Variants in CDH11 observed in about 807,000 individuals in gnomAD.
CDH11 encodes cadherin 11, also known as cadherin-11.
A neutral mutation model predicts 67.8 loss-of-function variants in CDH11; 11 were observed. The ratio of observed to expected loss-of-function variants is 0.16; its 90% CI spans 0.10 to 0.27. The LOEUF is 0.27. Ranked by LOEUF, CDH11 falls within the 10% of genes least tolerant of loss-of-function variation. CDH11 has a pLI of 1.00. For synonymous variants in CDH11, 419 were observed against 400.0 expected (o/e 1.05, Z -0.57); for missense variants, 847 against 1,031.2 (o/e 0.82, Z 2.45).
At chr16:65,122,148 G>GGC, upstream of CDH11, 3 of 323,844 alleles carry the variant, frequency 9.3e-6, no homozygotes, top group African/African-American at 2.4e-5. Flanking sequence ...GGGGGGGCGG[G>GGC]AGGAGGGAGG....
rs1468800397 is a variant in CDH11 at position 64,950,903 on chromosome 16, G to A, written c.1758C>T (p.Asn586=). Residue 586 remains asparagine, a synonymous_variant, in exon 12 of 13, where the codon AAC becomes AAT. Coordinates refer to ENST00000268603, the MANE Select transcript of CDH11 (RefSeq NM_001797.4). ...DGGIPPMSST[N]TLTIKVCGCD... Reference sequence around the variant, plus strand: ...ACCCGCAGACTTTGATGGTGAGGGTGTTGGTGCTACTCATGGGCGGGATGC... The same window carrying A: ...ACCCGCAGACTTTGATGGTGAGGGTATTGGTGCTACTCATGGGCGGGATGC... The A allele has an allele frequency of 6.2e-7, 1 of 1,614,134 alleles. No individual in the cohort carries two copies. The highest frequency in any genetic ancestry group is 8.5e-7 in the Non-Finnish European group (1 of 1,180,058).
intron 2 of CDH11, 93 bp downstream of exon 2, chr16:65,053,710 CA>C (rs2074096240): frequency 2.3e-6 from 1 of 428,540 alleles, no homozygotes; most frequent in Non-Finnish European, 4.8e-6. Context: ...AGGTCCAAAT[CA>C]AGCCACATTT....
In CDH11 at chr16:64,945,301, T is replaced by TAAAAAAAAAAAAAAAAGA. The variant is rs2071175324; in HGVS notation, c.*2301_*2302insTCTTTTTTTTTTTTTTTT. 1.1e-5 allele frequency: 4 copies of TAAAAAAAAAAAAAAAAGA among 371,898 alleles called. No homozygotes were observed. The highest frequency in any genetic ancestry group is 5.1e-5 in the African/African-American group (2 of 39,596). The allele number at this position is 371,898 out of a possible 1,614,324, so 23.0% of individuals were successfully genotyped here. A position where few individuals can be genotyped will look rare whatever the true frequency, so the allele number is the denominator to read the frequency against. On this transcript the variant is annotated 3_prime_UTR_variant, in exon 13 of 13. Coordinates refer to ENST00000268603, the MANE Select transcript of CDH11 (RefSeq NM_001797.4). ...AGAGGCTTAACGAAAAAATAAAAGG[T>TAAAAAAAAAAAAAAAAGA]AAAAAAAAAAAAAAAAAAGAAAAAG...
chr16:65,037,054 C>T (rs960709349), intron 2 of CDH11, among the ~76,000 whole-genome samples: 2 of 152,144 alleles, frequency 1.3e-5, no homozygotes, highest in Admixed American at 1.3e-4. Context: ...TTCAAGGGGG[C>T]AGACCACACC....
chr16:64,978,950 A>C (rs982547735), intron 8 of CDH11, among the ~76,000 whole-genome samples: 3 of 152,202 alleles, frequency 2.0e-5, no homozygotes, highest in Admixed American at 1.3e-4. Context: ...TTTATGCCTC[A>C]AAGGACACTA....
intron 11 of CDH11, among the ~76,000 whole-genome samples, chr16:64,955,015 G>A (rs2071470263): frequency 6.6e-6 from 1 of 151,880 alleles, no homozygotes. Flanking sequence ...GGGAGGCCGA[G>A]GCAGGCGGAT....
intron 1 of CDH11, among the ~76,000 whole-genome samples, chr16:65,117,743 G>A (rs896101283): frequency 1.3e-5 from 2 of 152,116 alleles, no homozygotes; most frequent in African/African-American, 2.4e-5. Context: ...ATGGTGTCAC[G>A]GTAGTCTCAC....
chr16:65,027,456 T>A (rs2073556966), intron 2 of CDH11, among the ~76,000 whole-genome samples: 1 of 152,216 alleles, frequency 6.6e-6, no homozygotes, highest in Non-Finnish European at 1.5e-5. Flanking sequence ...GCAGGCTAAA[T>A]GTACAACTCA....
chr16:65,118,801 A>C (rs2075282940), intron 1 of CDH11: 1 of 152,236 alleles, frequency 6.6e-6, no homozygotes, highest in African/African-American at 2.4e-5. Flanking sequence ...TTATTGAATG[A>C]GTAAGTATGC....
chr16:65,046,917 G>A (rs1191271460), intron 2 of CDH11, among the ~76,000 whole-genome samples: 2 of 152,134 alleles, frequency 1.3e-5, no homozygotes, highest in African/African-American at 2.4e-5. Context: ...AGACCAGCCT[G>A]GCCGATGTAG....
intron 1 of CDH11, among the ~76,000 whole-genome samples, chr16:65,075,551 G>A (rs2074494332): frequency 6.6e-6 from 1 of 152,204 alleles, no homozygotes; most frequent in Non-Finnish European, 1.5e-5. Flanking sequence ...GGATTTCTCT[G>A]TCTAAGCAGG....
rs560352758 is a variant in CDH11, at chr16:65,058,968, G to A, written c.-297-5040C>T. Among the ~76,000 whole-genome samples the A allele has an allele frequency of 7.2e-5, 11 of 152,238 alleles. No homozygotes were observed. The South Asian group carries it at 2.3e-3, about 32-fold the overall frequency. On this transcript the variant is annotated intron_variant, in intron 1 of 12. Transcript: ENST00000268603. ...ATGATTAAACATTTTACCTTTTATT[G>A]TATATTTGCTATTCAAAAACCCTTT... is the stretch of plus-strand genomic sequence containing the variant.
intron 8 of CDH11, among the ~76,000 whole-genome samples, chr16:64,974,586 T>C (rs1268330031): frequency 6.6e-6 from 1 of 152,146 alleles, no homozygotes; most frequent in Non-Finnish European, 1.5e-5. Context: ...AGCTCATTCA[T>C]GATGTCACTT....
At position 65,016,374 on chromosome 16, in the gene CDH11, G is replaced by A. The variant is rs573387324; in HGVS notation, c.-172-11333C>T. On this transcript the variant is annotated intron_variant, in intron 2 of 12. Transcript: ENST00000268603. ...AAAAGTAATGGGATACAGCAAACTA[G>A]TCAAGTGCTTAGTACAAACGCAGAG... 3.3e-5 allele frequency among the ~76,000 whole-genome samples: 5 copies of A among 152,212 alleles called. No individual in the cohort carries two copies. The East Asian group carries it at 9.7e-4, about 29-fold the overall frequency.
chr16:65,016,111 A>T (rs945540048), intron 2 of CDH11, among the ~76,000 whole-genome samples: 6 of 152,166 alleles, frequency 3.9e-5, no homozygotes, highest in Non-Finnish European at 2.9e-5. Context: ...CCACTCCATC[A>T]CACTAAGATT....
intron 1 of CDH11, among the ~76,000 whole-genome samples, chr16:65,114,134 C>T (rs1348596302): frequency 6.6e-6 from 1 of 152,122 alleles, no homozygotes; most frequent in Non-Finnish European, 1.5e-5. Flanking sequence ...ACCTGTTCAC[C>T]TCCTGGGTTT....
At chr16:65,005,688 T>C (rs1168839355) in intron 2 of CDH11, among the ~76,000 whole-genome samples, 1 of 152,166 alleles carries the variant, frequency 6.6e-6, no homozygotes, top group African/African-American at 2.4e-5. Flanking sequence ...GTAAATCAGT[T>C]AAGGGTATAG....
chr16:65,063,339 A>G (rs1455591412), intron 1 of CDH11, among the ~76,000 whole-genome samples: 2 of 152,216 alleles, frequency 1.3e-5, no homozygotes, highest in African/African-American at 2.4e-5. Flanking sequence ...AAATAAAGAG[A>G]AAAAACAAAC....
chr16:64,977,216 G>T (rs2072196307), intron 8 of CDH11, among the ~76,000 whole-genome samples: 1 of 152,034 alleles, frequency 6.6e-6, no homozygotes, highest in Admixed American at 6.6e-5. Context: ...AAATATAAAA[G>T]CTTTGAATAT....
Sources: gnomAD v4.1 joint callset for allele counts (sites outside exome capture counted in the v4.1 genomes callset) on GRCh38, gnomAD v4.1.1 for gene constraint, MANE v1.5 for transcripts, NCBI Gene and HGNC (gene_info 2026-07-23, HGNC 2026-07-21) for gene names.